Variants in RELCH observed in about 807,000 individuals in gnomAD.
The protein encoded by RELCH is RAB11 binding and LisH domain, coiled-coil and HEAT repeat containing.
In RELCH, 41 loss-of-function variants were observed where a neutral mutation model predicts 150.3. That is an observed-to-expected ratio of 0.27 (90% CI 0.21 to 0.35). The LOEUF is 0.35. RELCH is among the 10% of genes least tolerant of loss of function. The pLI is 1.00. For synonymous variants in RELCH, 478 were observed against 531.8 expected (o/e 0.90, Z 1.39); for missense variants, 1,092 against 1,467.8 (o/e 0.74, Z 4.18).
At chr18:62,205,779 C>T (rs559793889) in intron 1 of RELCH, among the ~76,000 whole-genome samples, 1 of 152,288 alleles carries the variant, frequency 6.6e-6, no homozygotes, top group South Asian at 2.1e-4. Flanking sequence ...AATCCCAGCA[C>T]TTTGGGAGGC....
chr18:62,218,407 C>T (rs2040619428), intron 2 of RELCH, among the ~76,000 whole-genome samples: 1 of 151,914 alleles, frequency 6.6e-6, no homozygotes, highest in Non-Finnish European at 1.5e-5. Context: ...GTCTAGCAAG[C>T]ATTTCAAGAT....
In RELCH at chr18:62,309,251, A is replaced by T; in HGVS notation, c.*3717A>T. On this transcript the variant is annotated 3_prime_UTR_variant, in exon 29 of 29. Coordinates refer to ENST00000644646, the MANE Select transcript of RELCH (RefSeq NM_001346231.2). ...CTACATCTCAAAAAAAAAAAATAAT[A>T]ATAGAGACAAACTACTAATCAAAAA... 1 of 149,418 alleles carries T rather than the reference A, an allele frequency of 6.7e-6. No individual in the cohort carries two copies. Among genetic ancestry groups the T allele is most frequent in the Non-Finnish European group, 1.5e-5 (1 of 67,166 alleles). The allele number at this position is 149,418 out of a possible 1,614,324, so 9.3% of individuals were successfully genotyped here. A position where few individuals can be genotyped will look rare whatever the true frequency, so the allele number is the denominator to read the frequency against.
chr18:62,227,241 A>C (rs1332866945), intron 5 of RELCH, 48 bp from the exon 6 acceptor site: 1 of 1,262,680 alleles, frequency 7.9e-7, no homozygotes, highest in African/African-American at 1.5e-5. Flanking sequence ...CAAAAATGTA[A>C]GATAAAATTT....
intron 1 of RELCH, among the ~76,000 whole-genome samples, chr18:62,205,517 A>G (rs2039723027): frequency 6.6e-6 from 1 of 152,192 alleles, no homozygotes; most frequent in African/African-American, 2.4e-5. Context: ...AAAGCGTTTG[A>G]GATTCACTCA....
At chr18:62,231,721 G>A (rs2041591406) in intron 9 of RELCH, among the ~76,000 whole-genome samples, 1 of 151,804 alleles carries the variant, frequency 6.6e-6, no homozygotes, top group African/African-American at 2.4e-5. Context: ...AGTCTTGAGG[G>A]GGTATTTTAT....
chr18:62,221,122 A>C lies in RELCH; in HGVS notation c.688+14A>C, dbSNP rs778466965. 2.5e-6 allele frequency: 4 copies of C among 1,612,468 alleles called. No homozygotes were observed. The South Asian group carries it at 4.4e-5, about 18-fold the overall frequency. ...CAAAGGCCGCAGGTGGTGTACATAA[A>C]ACTTTTTTGAGACTTTTCAACTTTG... is the stretch of plus-strand genomic sequence containing the variant. On this transcript the variant is annotated intron_variant, in intron 3 of 28. Coordinates refer to ENST00000644646, the MANE Select transcript of RELCH (RefSeq NM_001346231.2).
chr18:62,195,877 G>A (rs1030864287), intron 1 of RELCH, among the ~76,000 whole-genome samples: 2 of 151,832 alleles, frequency 1.3e-5, no homozygotes, highest in African/African-American at 4.8e-5. Context: ...TTTATTTTTG[G>A]TAGAGACCAG....
intron 1 of RELCH, among the ~76,000 whole-genome samples, chr18:62,197,360 T>G (rs573806180): frequency 3.9e-5 from 6 of 152,354 alleles, no homozygotes; most frequent in African/African-American, 1.4e-4. Flanking sequence ...TTCAAAATGT[T>G]TGTTAAAAAC....
Position 62,187,533 on chromosome 18 carries a change from G to T in RELCH, c.28G>T (p.Gly10Cys). 6.6e-7 allele frequency: 1 copy of T among 1,515,700 alleles called. No homozygotes were observed. Among genetic ancestry groups the T allele is most frequent in the Non-Finnish European group, 8.8e-7 (1 of 1,131,986 alleles). The allele number at this position is 1,515,700 out of a possible 1,614,324, so 93.9% of individuals were successfully genotyped here. MAAMAPGGS[G>C]SGGGVNPFLS... ...GGCGGCGATGGCGCCTGGAGGTAGT[G>T]GCAGTGGTGGCGGCGTGAATCCATT... The change falls in exon 1 of 29, where the codon GGC becomes TGC. Residue 10 changes from glycine (G) to cysteine (C), a missense_variant. By Grantham distance (159) the Gly-to-Cys change is radical. Around this residue, in one of 4 missense-constraint regions of RELCH, gnomAD observed 138 missense variants for 124.8 expected, o/e 1.11. Coordinates refer to ENST00000644646, the MANE Select transcript of RELCH (RefSeq NM_001346231.2).
intron 2 of RELCH, among the ~76,000 whole-genome samples, chr18:62,219,291 G>A (rs2040683223): frequency 7.9e-6 from 1 of 125,814 alleles, no homozygotes; most frequent in Admixed American, 7.7e-5. Context: ...TTTTTTCCCA[G>A]TTTGTGTTTT....
rs1410794599 is a variant in RELCH, at chr18:62,287,376, A to C, written c.3279A>C (p.Leu1093Phe). The C allele has an allele frequency of 6.2e-7, 1 of 1,604,888 alleles. No individual in the cohort carries two copies. Among genetic ancestry groups the C allele is most frequent in the Admixed American group, 1.7e-5 (1 of 59,610 alleles). ...TTGTTATACCACATTTGCATAAGTT[A>C]GCCTTGGTGAACAACTTACAGATTG... ...DEFVIPHLHK[L>F]ALVNNLQIVD... The change falls in exon 26 of 29, where the codon TTA becomes TTC. Residue 1093 changes from leucine (L) to phenylalanine (F), a missense_variant. Leu to Phe is a conservative substitution (Grantham distance 22). Transcript: ENST00000644646.
chr18:62,219,396 G>T (rs1599879972), intron 2 of RELCH, among the ~76,000 whole-genome samples: 1 of 112,686 alleles, frequency 8.9e-6, no homozygotes, highest in African/African-American at 3.4e-5. Flanking sequence ...GTTCTGTAAT[G>T]TCTTAGAAAA....
chr18:62,195,943 G>A (rs572704323), intron 1 of RELCH, among the ~76,000 whole-genome samples: 3 of 152,080 alleles, frequency 2.0e-5, no homozygotes, highest in African/African-American at 7.2e-5. Flanking sequence ...TGATCCGCCC[G>A]CCTCGGCCTC....
rs1243382620 is a variant in RELCH at position 62,269,484 on chromosome 18, CAT to C, written c.2760+540_2760+541del. 4 of 403,828 alleles carry C rather than the reference CAT, an allele frequency of 9.9e-6. 1 individual carries two copies. In the Admixed American group the frequency reaches 1.0e-4, roughly 11 times the overall value. The allele number at this position is 403,828 out of a possible 1,614,324, so 25.0% of individuals were successfully genotyped here. On this transcript the variant is annotated intron_variant, in intron 20 of 28. Transcript: ENST00000644646. ...CCAAGTCTAAACACAAAATGTGTTTCATATACACATTATACACATAGCCTGAA... is the reference window on the plus strand; with the variant it reads ...CCAAGTCTAAACACAAAATGTGTTTCATACACATTATACACATAGCCTGAA...
At chr18:62,227,097 G>A (rs1282507948) in intron 5 of RELCH, among the ~76,000 whole-genome samples, 192 bp from the exon 6 acceptor site, 1 of 151,642 alleles carries the variant, frequency 6.6e-6, no homozygotes, top group Non-Finnish European at 1.5e-5. Flanking sequence ...GGAGGCTGAG[G>A]TGGGAGGCTC....
intron 9 of RELCH, 46 bp from the exon 10 acceptor site, chr18:62,232,286 C>A (rs777765306): frequency 1.8e-5 from 22 of 1,243,892 alleles, no homozygotes; most frequent in Non-Finnish European, 2.6e-5. Flanking sequence ...TTATTATGCA[C>A]AGAAGTTCTC....
Position 62,187,937 on chromosome 18 carries a change from G to T in RELCH, c.432G>T (p.Pro144=), listed in dbSNP as rs369365208. Residue 144 remains proline (P), a synonymous_variant, in exon 1 of 29, where the codon CCG becomes CCT. Transcript: ENST00000644646. ...PGNFERQSGT[P]PGMGAPGVPG... The stretch of plus-strand genomic sequence containing the variant: ...ACTTCGAGAGGCAAAGTGGAACCCC[G>T]CCGGGGATGGGGGCGCCAGGGGTCC... 13 of 1,597,394 alleles carry T rather than the reference G, an allele frequency of 8.1e-6. No individual in the cohort carries two copies. The highest frequency in any genetic ancestry group is 1.1e-5 in the Non-Finnish European group (13 of 1,173,028).
At chr18:62,304,747 A>T (rs76650309) in intron 28 of RELCH, among the ~76,000 whole-genome samples, 2,373 of 152,280 alleles carry the variant, frequency 0.016, 47 homozygotes, top group African/African-American at 0.039. Context: ...CAATCTTTAG[A>T]GGTCATTTAG....
At chr18:62,207,172 C>T (rs1390655074) in intron 1 of RELCH, among the ~76,000 whole-genome samples, 6 of 152,156 alleles carry the variant, frequency 3.9e-5, no homozygotes, top group Non-Finnish European at 7.4e-5. Flanking sequence ...AATCACTAAT[C>T]TCTATGTCTA....
Sources: gnomAD v4.1 joint callset for allele counts (sites outside exome capture counted in the v4.1 genomes callset) on GRCh38, gnomAD v4.1.1 for gene constraint, gnomAD v4.1.1 regional missense constraint, MANE v1.5 for transcripts, NCBI Gene and HGNC (gene_info 2026-07-23, HGNC 2026-07-21) for gene names.